The following DHX36 variants were observed in gnomAD, a reference collection of about 807,000 sequenced individuals.
DHX36 encodes the protein ATP-dependent DNA/RNA helicase DHX36.
Under a neutral mutation model 139.0 loss-of-function variants are expected in DHX36, and 50 were observed. That is an observed-to-expected ratio of 0.36 (90% CI 0.29 to 0.46). DHX36 has a LOEUF of 0.46. Ranked by LOEUF, DHX36 falls within the 20% of genes least tolerant of loss-of-function variation. The pLI, the probability that DHX36 is intolerant of heterozygous loss-of-function variation, is 1.00. For missense variants in DHX36, 1,024 were observed against 1,211.3 expected (o/e 0.85, Z 2.29); for synonymous variants, 425 against 401.9 (o/e 1.06, Z -0.69).
At position 154,275,356 on chromosome 3, in the gene DHX36, T is replaced by C. The variant is rs1231498256; in HGVS notation, c.*815A>G. ...AGGAAAAAAGTCTGCACATGTTCAGTATAGACACAACCATCCTTTTTTTCC... is the reference window on the plus strand; with the variant it reads ...AGGAAAAAAGTCTGCACATGTTCAGCATAGACACAACCATCCTTTTTTTCC... On this transcript the variant is annotated 3_prime_UTR_variant, in exon 25 of 25. Coordinates refer to ENST00000496811, the MANE Select transcript of DHX36 (RefSeq NM_020865.3). The C allele has an allele frequency of 6.6e-6, 1 of 152,226 alleles. No homozygotes were observed. The highest frequency in any genetic ancestry group is 1.9e-4 in the East Asian group (1 of 5,200). 9.4% of individuals were successfully genotyped at this position (152,226 alleles called of 1,614,324 possible).
intron 3 of DHX36, chr3:154,314,607 T>C (rs1712891751): frequency 6.5e-6 from 1 of 153,498 alleles, no homozygotes. Flanking sequence ...GGTGTTGTGA[T>C]AGTCCTGTAT....
chr3:154,288,735 A>T, intron 17 of DHX36, 131 bp downstream of exon 17: 1 of 443,800 alleles, frequency 2.3e-6, no homozygotes, highest in Non-Finnish European at 4.0e-6. Flanking sequence ...TTGATAGTCA[A>T]ATAGCCAATC....
At chr3:154,311,576 T>TA (rs973526712) in intron 4 of DHX36, 60 bp downstream of exon 4, 20 of 1,420,724 alleles carry the variant, frequency 1.4e-5, no homozygotes, top group Admixed American at 4.2e-5. Context: ...TATAGAGCTT[T>TA]AAAAAAAATT....
At chr3:154,292,802 A>G (rs1711878808) in intron 14 of DHX36, 108 bp from the exon 15 acceptor site, 2 of 1,445,122 alleles carry the variant, frequency 1.4e-6, no homozygotes, top group Admixed American at 5.6e-5. Flanking sequence ...ATAAATAGGT[A>G]TTTCAGAGCA....
chr3:154,281,240 T>C (rs1719325827), intron 20 of DHX36, among the ~76,000 whole-genome samples: 1 of 152,090 alleles, frequency 6.6e-6, no homozygotes, highest in African/African-American at 2.4e-5. Flanking sequence ...TAATAGAATT[T>C]TTAAAATTAC....
intron 22 of DHX36, chr3:154,280,288 C>A (rs1719292496): frequency 3.6e-6 from 1 of 274,422 alleles, no homozygotes; most frequent in Admixed American, 5.1e-5. Flanking sequence ...CAATTTTTAT[C>A]CAGCCACTGG....
chr3:154,324,396 C>T lies in DHX36; in HGVS notation c.21G>A (p.Gln7=). 6.4e-7 allele frequency: 1 copy of T among 1,565,278 alleles called. No homozygotes were observed. The highest frequency in any genetic ancestry group is 1.2e-5 in the South Asian group (1 of 85,302). Residue 7 remains glutamine (Q), a synonymous_variant, in exon 1 of 25, where the codon CAG becomes CAA. Coordinates refer to ENST00000496811, the MANE Select transcript of DHX36 (RefSeq NM_020865.3). MSYDYH[Q]NWGRDGGPRS... ...GGGGACCCCCATCACGGCCCCAGTT[C>T]TGATGGTAGTCATAACTCATTGTCC...
At chr3:154,280,438 T>C in intron 22 of DHX36, 141 bp downstream of exon 22, 1 of 640,116 alleles carries the variant, frequency 1.6e-6, no homozygotes, top group South Asian at 2.1e-5. Flanking sequence ...CAGTTCACCT[T>C]CTCTGAAATG....
At chr3:154,293,600 T>TA in intron 14 of DHX36, 148 bp downstream of exon 14, 1 of 581,094 alleles carries the variant, frequency 1.7e-6, no homozygotes, top group South Asian at 2.9e-5. Flanking sequence ...CCACAAAAAA[T>TA]AAAACTATGC....
rs551183111 is a variant in DHX36 at position 154,320,728 on chromosome 3, T to C, written c.243+3446A>G. On this transcript the variant is annotated intron_variant, in intron 1 of 24. Coordinates refer to ENST00000496811, the MANE Select transcript of DHX36 (RefSeq NM_020865.3). ...AGATAAAATACATCACAAAATCATT[T>C]TGAGTCTACCTCCTAAATCACTTTA... 5.9e-5 allele frequency among the ~76,000 whole-genome samples: 9 copies of C among 152,290 alleles called. No homozygotes were observed. In the East Asian group the frequency reaches 1.7e-3, roughly 29 times the overall value.
chr3:154,298,150 A>C (rs1712115320), intron 12 of DHX36, among the ~76,000 whole-genome samples: 1 of 152,232 alleles, frequency 6.6e-6, no homozygotes, highest in Non-Finnish European at 1.5e-5. Context: ...TAATTAATTC[A>C]AACTAGAAAG....
chr3:154,323,823 AATT>A (rs1349588896), intron 1 of DHX36, among the ~76,000 whole-genome samples: 10 of 152,178 alleles, frequency 6.6e-5, no homozygotes, highest in East Asian at 1.9e-4. Context: ...TTAAAGTGAC[AATT>A]ATTATTCTAA....
At chr3:154,302,601 G>C (rs918700645) in intron 9 of DHX36, among the ~76,000 whole-genome samples, 1 of 152,134 alleles carries the variant, frequency 6.6e-6, no homozygotes, top group African/African-American at 2.4e-5. Flanking sequence ...ACTACAGTTA[G>C]GGATATAAAC....
intron 1 of DHX36, among the ~76,000 whole-genome samples, chr3:154,318,511 C>T (rs960131826): frequency 1.3e-5 from 2 of 152,028 alleles, no homozygotes; most frequent in South Asian, 2.1e-4. Flanking sequence ...TGAGATTTCA[C>T]GCCCCCGGAA....
At chr3:154,303,204 CT>C in intron 9 of DHX36, 124 bp downstream of exon 9, 6 of 683,220 alleles carry the variant, frequency 8.8e-6, no homozygotes, top group Non-Finnish European at 1.5e-5. Flanking sequence ...CCAAGTGTGG[CT>C]AATTCCCAGA....
At chr3:154,320,346 G>A (rs1305109570) in intron 1 of DHX36, among the ~76,000 whole-genome samples, 2 of 152,122 alleles carry the variant, frequency 1.3e-5, no homozygotes, top group East Asian at 3.9e-4. Context: ...AACAAAAGTC[G>A]AATCTCTGAT....
At chr3:154,284,107 C>G (rs1719425484) in intron 19 of DHX36, among the ~76,000 whole-genome samples, 1 of 152,064 alleles carries the variant, frequency 6.6e-6, no homozygotes, top group Admixed American at 6.6e-5. Flanking sequence ...TGAATTATAA[C>G]TTTTTTCAAA....
At position 154,300,992 on chromosome 3, in the gene DHX36, T is replaced by C. The variant is rs772058384; in HGVS notation, c.1353A>G (p.Arg451=). The C allele has an allele frequency of 1.2e-5, 20 of 1,609,844 alleles. No homozygotes were observed. Among genetic ancestry groups the C allele is most frequent in the Non-Finnish European group, 1.5e-5 (18 of 1,179,212 alleles). ...TTCAGACAAAATAAACTTACCTTCT[T>C]CGCAGTTCCCTTACATAATCTGGCC... ...ERWPDYVREL[R]RRYSASTVDV... is the part of the protein sequence containing the mutation. Residue 451 remains arginine (R), a synonymous_variant, in exon 10 of 25, where the codon CGA becomes CGG. Coordinates refer to ENST00000496811, the MANE Select transcript of DHX36 (RefSeq NM_020865.3).
At chr3:154,310,735 C>CAT (rs1712699944) in intron 4 of DHX36, among the ~76,000 whole-genome samples, 1 of 131,718 alleles carries the variant, frequency 7.6e-6, no homozygotes, top group Admixed American at 8.3e-5. Flanking sequence ...GCCGAGATTG[C>CAT]GCCACTGCAC....
Sources: gnomAD v4.1 joint callset for allele counts (sites outside exome capture counted in the v4.1 genomes callset) on GRCh38, gnomAD v4.1.1 for gene constraint, MANE v1.5 for transcripts, NCBI Gene and HGNC (gene_info 2026-07-23, HGNC 2026-07-21) for gene names.